Variants in ECE1 observed in about 807,000 individuals in gnomAD.
ECE1 encodes endothelin converting enzyme 1.
A neutral mutation model predicts 98.6 loss-of-function variants in ECE1; 35 were observed. The ratio of observed to expected loss-of-function variants is 0.35; its 90% CI spans 0.27 to 0.47. The LOEUF (loss-of-function observed/expected upper bound fraction) is 0.47, where lower values mean the gene tolerates loss of function less well. Among genes scored for constraint, ECE1 ranks in the 20% least tolerant of loss-of-function variants. ECE1 has a pLI of 1.00. For missense variants in ECE1, 814 were observed against 1,025.3 expected (o/e 0.79, Z 2.81); for synonymous variants, 394 against 407.1 (o/e 0.97, Z 0.39).
intron 1 of ECE1, among the ~76,000 whole-genome samples, chr1:21,318,586 A>C (rs1333092044): frequency 1.3e-5 from 2 of 151,998 alleles, no homozygotes; most frequent in Non-Finnish European, 2.9e-5. Flanking sequence ...AGGCCTTAGC[A>C]ACTTCTAAAA....
At chr1:21,323,340 G>A (rs1159425845) in intron 1 of ECE1, among the ~76,000 whole-genome samples, 1 of 152,162 alleles carries the variant, frequency 6.6e-6, no homozygotes, top group African/African-American at 2.4e-5. Flanking sequence ...ACTGCAGGCC[G>A]GATACTCTGC....
intron 11 of ECE1, among the ~76,000 whole-genome samples, chr1:21,237,664 T>C (rs2098190102): frequency 1.3e-5 from 2 of 152,170 alleles, no homozygotes; most frequent in Non-Finnish European, 2.9e-5. Flanking sequence ...ACATTGCAGA[T>C]GATGTAAGAA....
chr1:21,307,606 G>A lies in ECE1; in HGVS notation c.4-17450C>T, dbSNP rs1434919816. Reference sequence around the variant, plus strand: ...GAGGACATTTTCTTGCACCCCAGGAGGCATTCCTGTCATTTGTCCCCACTG... The same window carrying A: ...GAGGACATTTTCTTGCACCCCAGGAAGCATTCCTGTCATTTGTCCCCACTG... On this transcript the variant is annotated intron_variant, in intron 1 of 18. Transcript: ENST00000415912. This position sits in a 1 kb window ranked among gnomAD's most constrained non-coding sequence, Gnocchi z 4.2. Among the ~76,000 whole-genome samples the A allele has an allele frequency of 6.6e-6, 1 of 152,180 alleles. No individual in the cohort carries two copies. Among genetic ancestry groups the A allele is most frequent in the Non-Finnish European group, 1.5e-5 (1 of 68,024 alleles).
intron 1 of ECE1, among the ~76,000 whole-genome samples, chr1:21,334,050 T>G (rs1282271326): frequency 6.6e-6 from 1 of 152,212 alleles, no homozygotes. Flanking sequence ...CAGCTGGGAC[T>G]AAGTGACAGA....
intron 10 of ECE1, among the ~76,000 whole-genome samples, chr1:21,240,396 A>G (rs947909739): frequency 1.3e-5 from 2 of 152,036 alleles, no homozygotes; most frequent in African/African-American, 2.4e-5. Context: ...CTGAGGCACA[A>G]GAATCGCTTG....
chr1:21,325,279 T>C (rs1038135050), intron 1 of ECE1, among the ~76,000 whole-genome samples: 4 of 152,244 alleles, frequency 2.6e-5, no homozygotes, highest in African/African-American at 9.6e-5. Context: ...TCTGAGCTTC[T>C]GCTCAAGGCA....
chr1:21,320,428 AT>A (rs67443578), intron 1 of ECE1, among the ~76,000 whole-genome samples: 42,815 of 152,114 alleles, frequency 0.28, 7,813 homozygotes, highest in African/African-American at 0.51. Flanking sequence ...TTTAAAAAAA[AT>A]TTAATACTGT....
At position 21,258,635 on chromosome 1, in the gene ECE1, CAA is replaced by C; in HGVS notation, c.762+56_762+57del. 1 of 1,401,944 alleles carries C rather than the reference CAA, an allele frequency of 7.1e-7. No individual in the cohort carries two copies. The highest frequency in any genetic ancestry group is 9.7e-7 in the Non-Finnish European group (1 of 1,034,170). The allele number at this position is 1,401,944 out of a possible 1,614,324, so 86.8% of individuals were successfully genotyped here. A position where few individuals can be genotyped will look rare whatever the true frequency, so the allele number is the denominator to read the frequency against. ...CTCCCACCCCAGGTCCTGCTAAACT[CAA>C]AACAGGAAGAGGTCGTGCCCGCCCC... On this transcript the variant is annotated intron_variant, in intron 6 of 18. Transcript: ENST00000374893. The surrounding 1 kb of genome is among the most constrained non-coding windows in gnomAD (Gnocchi z 4.2).
intron 9 of ECE1, 30 bp from the exon 10 acceptor site, chr1:21,245,133 G>C (rs773212757): frequency 2.5e-6 from 4 of 1,589,938 alleles, no homozygotes; most frequent in Admixed American, 1.7e-5. Flanking sequence ...GAGAGGCTCA[G>C]GGACACCTAG....
chr1:21,267,650 T>C (rs906215530), intron 4 of ECE1, among the ~76,000 whole-genome samples: 1 of 152,144 alleles, frequency 6.6e-6, no homozygotes, highest in African/African-American at 2.4e-5. Flanking sequence ...GGTATTTTGT[T>C]ACAATAGCAC....
At chr1:21,269,119 G>A (rs2098237358) in intron 4 of ECE1, among the ~76,000 whole-genome samples, 2 of 152,342 alleles carry the variant, frequency 1.3e-5, no homozygotes, top group South Asian at 2.1e-4. Flanking sequence ...TGCTCTCCCT[G>A]CCAGCAGTGC....
chr1:21,324,820 G>A (rs934022544), intron 1 of ECE1, among the ~76,000 whole-genome samples: 2 of 152,222 alleles, frequency 1.3e-5, no homozygotes, highest in African/African-American at 4.8e-5. Flanking sequence ...CCAACCGAGT[G>A]TGTCACTGGG....
intron 1 of ECE1, among the ~76,000 whole-genome samples, chr1:21,342,096 G>A (rs1487338767): frequency 1.3e-5 from 2 of 152,150 alleles, no homozygotes; most frequent in African/African-American, 4.8e-5. Flanking sequence ...TAGTACATCA[G>A]GATTCAAACC....
At chr1:21,229,333 G>A (rs191298119) in intron 14 of ECE1, among the ~76,000 whole-genome samples, 22 of 151,908 alleles carry the variant, frequency 1.4e-4, no homozygotes, top group East Asian at 1.4e-3. Context: ...ACAAGCACTC[G>A]TGACCATGCC....
At position 21,225,160 on chromosome 1, in the gene ECE1, G is replaced by A; in HGVS notation, c.2040+90C>T. 1 of 1,530,992 alleles carries A rather than the reference G, an allele frequency of 6.5e-7. No individual in the cohort carries two copies. The highest frequency in any genetic ancestry group is 1.1e-5 in the South Asian group (1 of 87,266). The allele number at this position is 1,530,992 out of a possible 1,614,324, so 94.8% of individuals were successfully genotyped here. A position where few individuals can be genotyped will look rare whatever the true frequency, so the allele number is the denominator to read the frequency against. On this transcript the variant is annotated intron_variant, in intron 17 of 18. Transcript: ENST00000374893. The surrounding 1 kb of genome is among the most constrained non-coding windows in gnomAD (Gnocchi z 5.3). ...GGAAGCTCGCACGGCTGCTGCGCCT[G>A]CCCTGGTTGTCCGTGATGATCCTCT...
intron 9 of ECE1, among the ~76,000 whole-genome samples, chr1:21,246,738 C>T (rs2098204181): frequency 6.6e-6 from 1 of 152,122 alleles, no homozygotes; most frequent in African/African-American, 2.4e-5. Flanking sequence ...CTCACTACAA[C>T]CTCTGCCTCC....
At chr1:21,230,963 G>A (rs1035855894) in intron 14 of ECE1, among the ~76,000 whole-genome samples, 1 of 151,932 alleles carries the variant, frequency 6.6e-6, no homozygotes, top group Non-Finnish European at 1.5e-5. Context: ...TGAGTAACTG[G>A]GATTACAGGC....
At chr1:21,261,546 T>C (rs377666131) in intron 4 of ECE1, among the ~76,000 whole-genome samples, 5 of 152,318 alleles carry the variant, frequency 3.3e-5, no homozygotes, top group South Asian at 2.1e-4. Flanking sequence ...TCTCCTAAGA[T>C]GTTCATTCCC....
chr1:21,340,233 C>T lies in ECE1; in HGVS notation c.3+5143G>A, dbSNP rs1213997677. Among the ~76,000 whole-genome samples, 1 of 152,218 alleles carries T rather than the reference C, an allele frequency of 6.6e-6. No individual in the cohort carries two copies. ...TAAAGGCTCTGGAGACCAGGGCCCT[C>T]GGCTGGTTATCTGCCTGAAAGGATG... is the stretch of plus-strand genomic sequence containing the variant. On this transcript the variant is annotated intron_variant, in intron 1 of 18. Transcript: ENST00000415912. This position sits in a 1 kb window ranked among gnomAD's most constrained non-coding sequence, Gnocchi z 4.6.
Sources: allele counts gnomAD v4.1 joint callset (sites outside exome capture counted in the v4.1 genomes callset), GRCh38; gene constraint gnomAD v4.1.1; non-coding constraint Gnocchi (gnomAD v3.1); transcripts MANE v1.5; gene names NCBI Gene and HGNC (gene_info 2026-07-23, HGNC 2026-07-21).